HDLBP: variants seen among roughly 807,000 people sequenced by gnomAD.
The protein encoded by HDLBP is high density lipoprotein binding protein.
A neutral mutation model predicts 137.3 loss-of-function variants in HDLBP; 30 were observed. The observed-to-expected ratio is 0.22, with a 90% CI of 0.16 to 0.30. The LOEUF is 0.30. HDLBP is among the 10% of genes least tolerant of loss of function. The probability of loss-of-function intolerance (pLI) is 1.00; values close to 1 mark genes in which losing one functional copy is unlikely to be tolerated. For missense variants in HDLBP, 1,119 were observed against 1,667.3 expected (o/e 0.67, Z 5.73); for synonymous variants, 606 against 596.0 (o/e 1.02, Z -0.24).
chr2:241,248,176 T>A, intron 13 of HDLBP, 60 bp from the exon 14 acceptor site: 5 of 1,554,644 alleles, frequency 3.2e-6, no homozygotes, highest in Non-Finnish European at 8.9e-7. Flanking sequence ...ATCCCAAATA[T>A]CAAATATTCC....
chr2:241,271,528 T>C (rs2074036229), intron 1 of HDLBP, among the ~76,000 whole-genome samples: 1 of 152,206 alleles, frequency 6.6e-6, no homozygotes, highest in Non-Finnish European at 1.5e-5. Context: ...AGGCTTCACA[T>C]GAGGGGTTCT....
At position 241,267,439 on chromosome 2, in the gene HDLBP, C is replaced by T. The variant is rs111778771; in HGVS notation, c.-37-533G>A. On this transcript the variant is annotated intron_variant, in intron 2 of 27. Coordinates refer to ENST00000310931, the MANE Select transcript of HDLBP (RefSeq NM_005336.6). ...ACCCCAGGGGCCACAGAGACACAGT[C>T]AACACCACCCCTAACCGCAGGGGTG... 8.3e-3 allele frequency: 6,399 copies of T among 767,672 alleles called. 48 individuals are homozygous for T. Among genetic ancestry groups the T allele is most frequent in the Non-Finnish European group, 0.011 (5,175 of 463,292 alleles). 47.6% of individuals were successfully genotyped at this position (767,672 alleles called of 1,614,324 possible).
At position 241,253,006 on chromosome 2, in the gene HDLBP, G is replaced by A; in HGVS notation, c.1323C>T (p.Asn441=). The change falls in exon 11 of 28, where the codon AAC becomes AAT. Residue 441 remains asparagine (N), a synonymous_variant. Coordinates refer to ENST00000310931, the MANE Select transcript of HDLBP (RefSeq NM_005336.6). ...GGTGCCTGTGGAACTTGTGGTCGAT[G>A]TTGATCTCCACATAGTCCATCCGGT... is the stretch of plus-strand genomic sequence containing the variant. ...LINRMDYVEI[N]IDHKFHRHLI... 1 of 1,609,296 alleles carries A rather than the reference G, an allele frequency of 6.2e-7. No individual in the cohort carries two copies. The highest frequency in any genetic ancestry group is 1.1e-5 in the South Asian group (1 of 90,978).
At chr2:241,245,187 CTTT>C (rs72269646) in intron 16 of HDLBP, among the ~76,000 whole-genome samples, 5 of 143,184 alleles carry the variant, frequency 3.5e-5, no homozygotes, top group Non-Finnish European at 3.1e-5. Flanking sequence ...AATCTTTTTT[CTTT>C]TTTTTTTTTT....
At chr2:241,279,903 A>G in intron 1 of HDLBP, 1 of 985,268 alleles carries the variant, frequency 1.0e-6, no homozygotes, top group Non-Finnish European at 1.2e-6. Context: ...GAGGTATACA[A>G]TTTATGCAGC....
chr2:241,254,938 A>C (rs2072492674), intron 9 of HDLBP, 113 bp downstream of exon 9: 1 of 810,734 alleles, frequency 1.2e-6, no homozygotes, highest in South Asian at 1.5e-5. Context: ...ATTCAGAAAA[A>C]TACACCAGTT....
intron 1 of HDLBP, among the ~76,000 whole-genome samples, chr2:241,275,370 A>G (rs932323931): frequency 2.6e-5 from 4 of 152,194 alleles, no homozygotes; most frequent in Non-Finnish European, 4.4e-5. Context: ...CATAAGAGAC[A>G]TAAAGGTGAC....
rs930346822 is a variant in HDLBP at position 241,272,372 on chromosome 2, T to G, written c.-102-3831A>C. ...CCAACGTCAGCGACCTGGGCTCAGGTCGGCCGCCCCTCCGCGCCGTGCGGC... is the reference window on the plus strand; with the variant it reads ...CCAACGTCAGCGACCTGGGCTCAGGGCGGCCGCCCCTCCGCGCCGTGCGGC... On this transcript the variant is annotated intron_variant, in intron 1 of 27. Coordinates refer to ENST00000310931, the MANE Select transcript of HDLBP (RefSeq NM_005336.6). This position sits in a 1 kb window ranked among gnomAD's most constrained non-coding sequence, Gnocchi z 5.6. The G allele has an allele frequency of 1.8e-5, 18 of 982,126 alleles. No individual in the cohort carries two copies. The highest frequency in any genetic ancestry group is 5.2e-4 in the Middle Eastern group (1 of 1,910). The allele number at this position is 982,126 out of a possible 1,614,324, so 60.8% of individuals were successfully genotyped here.
intron 1 of HDLBP, among the ~76,000 whole-genome samples, chr2:241,298,942 G>A (rs556455079): frequency 1.1e-4 from 17 of 152,218 alleles, no homozygotes; most frequent in South Asian, 2.1e-4. Context: ...CTGTGGTTCT[G>A]AACTAGATCC....
intron 4 of HDLBP, among the ~76,000 whole-genome samples, 184 bp downstream of exon 4, chr2:241,264,264 A>G (rs1009788720): frequency 1.3e-5 from 2 of 151,290 alleles, no homozygotes; most frequent in African/African-American, 4.9e-5. Flanking sequence ...CGGGAGGCTG[A>G]GGCAGGAGAA....
At position 241,256,597 on chromosome 2, in the gene HDLBP, C is replaced by T; in HGVS notation, c.657+3G>A. On this transcript the variant is annotated splice_donor_region_variant and intron_variant, in intron 6 of 27. Transcript: ENST00000310931. ...GGGCACGAGGCACTCACACAGGCCT[C>T]ACCTGCTCGGCAGAGATGAGTAAGA... 1 of 1,613,456 alleles carries T rather than the reference C, an allele frequency of 6.2e-7. No homozygotes were observed. The highest frequency in any genetic ancestry group is 8.5e-7 in the Non-Finnish European group (1 of 1,179,904).
intron 1 of HDLBP, among the ~76,000 whole-genome samples, chr2:241,283,067 A>G (rs988150902): frequency 1.3e-5 from 2 of 152,260 alleles, no homozygotes; most frequent in South Asian, 4.1e-4. Context: ...GTGCTACTCC[A>G]GTGAACACAT....
intron 1 of HDLBP, among the ~76,000 whole-genome samples, chr2:241,299,258 C>T (rs564076708): frequency 3.3e-5 from 5 of 152,222 alleles, no homozygotes; most frequent in South Asian, 2.1e-4. Flanking sequence ...CGGTGGCTCA[C>T]GCCTGTAATC....
At chr2:241,252,800 C>G (rs548042381) in intron 11 of HDLBP, among the ~76,000 whole-genome samples, 157 bp downstream of exon 11, 1 of 152,334 alleles carries the variant, frequency 6.6e-6, no homozygotes, top group East Asian at 1.9e-4. Flanking sequence ...GAAAAGTGGC[C>G]TCTTCCAGCA....
At chr2:241,255,274 A>G in intron 8 of HDLBP, 100 bp downstream of exon 8, 3 of 1,412,186 alleles carry the variant, frequency 2.1e-6, no homozygotes, top group Non-Finnish European at 3.0e-6. Flanking sequence ...GGGCACCTGC[A>G]CTGTGTCCAG....
chr2:241,313,345 T>C (rs1415275351), intron 1 of HDLBP, among the ~76,000 whole-genome samples: 2 of 152,164 alleles, frequency 1.3e-5, no homozygotes, highest in Non-Finnish European at 2.9e-5. Context: ...AGTGCTACAA[T>C]CTCGGCTCAC....
intron 1 of HDLBP, among the ~76,000 whole-genome samples, chr2:241,291,383 A>G (rs914722779): frequency 6.6e-6 from 1 of 152,186 alleles, no homozygotes; most frequent in Non-Finnish European, 1.5e-5. Flanking sequence ...AGTCACACCC[A>G]AAGATGACAC....
intron 1 of HDLBP, among the ~76,000 whole-genome samples, chr2:241,291,085 C>T (rs933609827): frequency 5.9e-5 from 9 of 152,160 alleles, no homozygotes; most frequent in African/African-American, 1.7e-4. Context: ...TTCAAAGATG[C>T]CTCCATCTAG....
At chr2:241,288,963 T>C (rs1224828157) in intron 1 of HDLBP, among the ~76,000 whole-genome samples, 1 of 152,238 alleles carries the variant, frequency 6.6e-6, no homozygotes, top group East Asian at 1.9e-4. Context: ...TGATGATTTT[T>C]TCCTTCCTAC....
Sources: allele counts gnomAD v4.1 joint callset (sites outside exome capture counted in the v4.1 genomes callset), GRCh38; gene constraint gnomAD v4.1.1; non-coding constraint Gnocchi (gnomAD v3.1); transcripts MANE v1.5; gene names NCBI Gene and HGNC (gene_info 2026-07-23, HGNC 2026-07-21).